FUT8: variants seen among roughly 807,000 people sequenced by gnomAD.
FUT8 encodes the protein alpha-(1,6)-fucosyltransferase.
A neutral mutation model predicts 71.3 loss-of-function variants in FUT8; 29 were observed. That is an observed-to-expected ratio of 0.41 (90% CI 0.30 to 0.55). The LOEUF (loss-of-function observed/expected upper bound fraction) is 0.55, where lower values mean the gene tolerates loss of function less well. Ranked by LOEUF, FUT8 falls within the 20% of genes least tolerant of loss-of-function variation. FUT8 has a pLI of 0.34. For missense variants in FUT8, 544 were observed against 702.1 expected (o/e 0.77, Z 2.55); for synonymous variants, 254 against 239.3 (o/e 1.06, Z -0.57).
chr14:65,622,787 A>G (rs1889683461), intron 5 of FUT8, among the ~76,000 whole-genome samples: 1 of 152,198 alleles, frequency 6.6e-6, no homozygotes, highest in Non-Finnish European at 1.5e-5. Flanking sequence ...CCCATGATGC[A>G]GATTTGCCCA....
intron 3 of FUT8, among the ~76,000 whole-genome samples, chr14:65,591,706 A>C (rs1887694354): frequency 6.6e-6 from 1 of 152,212 alleles, no homozygotes; most frequent in South Asian, 2.1e-4. Flanking sequence ...CAGGTAGTAT[A>C]GTTTGAAGCT....
chr14:65,383,620 C>T, the FUT8 span, among the ~76,000 whole-genome samples: 2 of 152,106 alleles, frequency 1.3e-5, no homozygotes, highest in Non-Finnish European at 2.9e-5. Context: ...ATAGTAAGGC[C>T]CTCATTATCT....
At chr14:65,451,899 G>A (rs900468495) in intron 1 of FUT8, among the ~76,000 whole-genome samples, 11 of 152,268 alleles carry the variant, frequency 7.2e-5, no homozygotes, top group African/African-American at 2.6e-4. Flanking sequence ...AGGACCGTGG[G>A]TGATTTAGGA....
intron 2 of FUT8, among the ~76,000 whole-genome samples, chr14:65,531,389 G>T (rs977873088): frequency 9.2e-5 from 14 of 151,992 alleles, no homozygotes; most frequent in African/African-American, 3.4e-4. Flanking sequence ...AAATCTTAGG[G>T]GAGTGTTTGA....
At chr14:65,424,430 A>G (rs1337248815) in intron 1 of FUT8, among the ~76,000 whole-genome samples, 1 of 152,060 alleles carries the variant, frequency 6.6e-6, no homozygotes, top group Non-Finnish European at 1.5e-5. Context: ...TTAACTTTTT[A>G]TAATAGATTT....
In FUT8 at chr14:65,742,696, A is replaced by G. The variant is rs1896565206; in HGVS notation, c.*286A>G. ...ACTTTGCCCCTTTCAGTATGTCCCC[A>G]TAAGACAAACACTGCCATATTGTGT... On this transcript the variant is annotated 3_prime_UTR_variant, in exon 11 of 11. Transcript: ENST00000673929. 2 of 315,008 alleles carry G rather than the reference A, an allele frequency of 6.3e-6. No individual in the cohort carries two copies. Among genetic ancestry groups the G allele is most frequent in the Non-Finnish European group, 1.2e-5 (2 of 168,674 alleles). The allele number at this position is 315,008 out of a possible 1,614,324, so 19.5% of individuals were successfully genotyped here.
At chr14:65,683,076 C>G (rs1243361086) in intron 7 of FUT8, among the ~76,000 whole-genome samples, 1 of 150,812 alleles carries the variant, frequency 6.6e-6, no homozygotes, top group East Asian at 2.0e-4. Flanking sequence ...TGCAGTGGCA[C>G]CATCTCGGCT....
the FUT8 span, among the ~76,000 whole-genome samples, chr14:65,393,010 C>T: frequency 2.6e-5 from 4 of 152,142 alleles, no homozygotes; most frequent in Admixed American, 1.3e-4. Flanking sequence ...GCAATGTTAG[C>T]GGCTACAGAC....
chr14:65,655,415 G>T (rs1891626888), intron 6 of FUT8, among the ~76,000 whole-genome samples: 1 of 150,488 alleles, frequency 6.6e-6, no homozygotes, highest in African/African-American at 2.5e-5. Flanking sequence ...GGCGGAACTT[G>T]CAGTGAGCCG....
intron 7 of FUT8, among the ~76,000 whole-genome samples, chr14:65,674,246 A>G (rs558069472): frequency 1.1e-3 from 173 of 152,302 alleles, no homozygotes; most frequent in African/African-American, 3.8e-3. Flanking sequence ...TTATGCTGCA[A>G]AAAATCTTGA....
chr14:65,359,411 G>A, the FUT8 span, among the ~76,000 whole-genome samples: 3 of 152,250 alleles, frequency 2.0e-5, no homozygotes, highest in Non-Finnish European at 2.9e-5. Flanking sequence ...GTACATTCAC[G>A]TTGTTGTGCA....
At chr14:65,711,245 G>C (rs1894800567) in intron 7 of FUT8, among the ~76,000 whole-genome samples, 1 of 152,198 alleles carries the variant, frequency 6.6e-6, no homozygotes, top group South Asian at 2.1e-4. Flanking sequence ...TTAAATATGT[G>C]GGCAGTTTTT....
chr14:65,363,015 C>CA, the FUT8 span, among the ~76,000 whole-genome samples: 133,597 of 140,726 alleles, frequency 0.95, 63,651 homozygotes, highest in Non-Finnish European at 0.99. Context: ...AAATGAGACT[C>CA]AAAAAAAAAA....
intron 3 of FUT8, among the ~76,000 whole-genome samples, chr14:65,599,654 G>A (rs1182705190): frequency 1.3e-5 from 2 of 152,132 alleles, no homozygotes; most frequent in Non-Finnish European, 2.9e-5. Flanking sequence ...AGGTTTACAA[G>A]TCCGTTTTCA....
At chr14:65,663,289 A>G (rs908172784) in intron 6 of FUT8, among the ~76,000 whole-genome samples, 13 of 152,120 alleles carry the variant, frequency 8.5e-5, no homozygotes, top group Non-Finnish European at 1.3e-4. Context: ...ATGCTGAATA[A>G]CAAAGGCTTA....
chr14:65,380,844 A>C, the FUT8 span, among the ~76,000 whole-genome samples: 1 of 152,248 alleles, frequency 6.6e-6, no homozygotes, highest in Non-Finnish European at 1.5e-5. Flanking sequence ...CAATGTCACA[A>C]GTTTCCCATT....
chr14:65,534,981 C>T (rs1483941279), intron 2 of FUT8, among the ~76,000 whole-genome samples: 1 of 151,406 alleles, frequency 6.6e-6, no homozygotes, highest in Non-Finnish European at 1.5e-5. Flanking sequence ...TTTGCTCTTG[C>T]ATCTCTAGTT....
At chr14:65,394,426 C>G in the FUT8 span, among the ~76,000 whole-genome samples, 1 of 152,306 alleles carries the variant, frequency 6.6e-6, no homozygotes, top group East Asian at 1.9e-4. Context: ...GGTGGGGGCA[C>G]AGCCAAACCC....
Position 65,467,993 on chromosome 14 carries a change from A to ATT in FUT8, c.-228+12275_-228+12276insTT, listed in dbSNP as rs2066071994. The ATT allele has an allele frequency of 8.6e-6, 6 of 695,208 alleles. No homozygotes were observed. The highest frequency in any genetic ancestry group is 1.6e-5 in the Non-Finnish European group (6 of 372,868). 43.1% of individuals were successfully genotyped at this position (695,208 alleles called of 1,614,324 possible). A position where few individuals can be genotyped will look rare whatever the true frequency, so the allele number is the denominator to read the frequency against. On this transcript the variant is annotated intron_variant, in intron 2 of 10. Transcript: ENST00000673929. The surrounding 1 kb of genome is among the most constrained non-coding windows in gnomAD (Gnocchi z 4.1). ...GTTTCAGGAAGCTATTTTGGCTCTT[A>ATT]GAGTGCTGAATGTGCTCAATACGCA...
Sources: gnomAD v4.1 joint callset for allele counts (sites outside exome capture counted in the v4.1 genomes callset) on GRCh38, gnomAD v4.1.1 for gene constraint, Gnocchi (gnomAD v3.1) non-coding constraint, MANE v1.5 for transcripts, NCBI Gene and HGNC (gene_info 2026-07-23, HGNC 2026-07-21) for gene names.